SYNE2: variants seen among roughly 807,000 people sequenced by gnomAD.
SYNE2 encodes nesprin-2.
SYNE2 carries 431 observed loss-of-function variants against 856.3 expected under a neutral mutation model. That is an observed-to-expected ratio of 0.50 (90% CI 0.47 to 0.55). The LOEUF is 0.55. Ranked by LOEUF, SYNE2 falls within the 20% of genes least tolerant of loss-of-function variation. SYNE2 has a pLI of 0.00. For missense variants in SYNE2, 8,129 were observed against 8,023.2 expected, an observed-to-expected ratio of 1.01 and a Z score of -0.50; for synonymous variants, 2,923 against 2,872.3, an observed-to-expected ratio of 1.02 and a Z score of -0.56.
At chr14:63,786,161 ACT>A (rs1283616815) in intron 1 of SYNE2, among the ~76,000 whole-genome samples, 1 of 145,402 alleles carries the variant, frequency 6.9e-6, no homozygotes, top group Non-Finnish European at 1.5e-5. Context: ...GAGGCAGGAG[ACT>A]CTCTTGAACC....
intron 45 of SYNE2, among the ~76,000 whole-genome samples, chr14:64,038,290 C>T (rs1270123478): frequency 7.2e-5 from 11 of 152,270 alleles, no homozygotes; most frequent in South Asian, 4.1e-4. Context: ...GGATGGGGGC[C>T]GGGAAGAGGC....
chr14:64,193,693 A>G (rs1057489191), intron 99 of SYNE2, among the ~76,000 whole-genome samples: 1 of 152,234 alleles, frequency 6.6e-6, no homozygotes, highest in Non-Finnish European at 1.5e-5. Context: ...CACTGGAGGA[A>G]AAAATGGGAT....
intron 17 of SYNE2, 67 bp downstream of exon 17, chr14:63,982,861 G>T: frequency 6.6e-7 from 1 of 1,516,876 alleles, no homozygotes; most frequent in South Asian, 1.1e-5. Flanking sequence ...TTTACTCATT[G>T]TAAGTTCATA....
intron 65 of SYNE2, among the ~76,000 whole-genome samples, chr14:64,112,312 T>C (rs1212431800): frequency 1.3e-5 from 2 of 152,236 alleles, no homozygotes; most frequent in African/African-American, 2.4e-5. Flanking sequence ...CAAACTCTTA[T>C]AGAAAACATT....
At chr14:64,199,224 T>G (rs2098551649) in intron 99 of SYNE2, among the ~76,000 whole-genome samples, 1 of 152,164 alleles carries the variant, frequency 6.6e-6, no homozygotes, top group Admixed American at 6.5e-5. Flanking sequence ...TGCAGCAAAA[T>G]GATCCTGTAT....
chr14:63,800,260 G>T (rs1888083099), intron 1 of SYNE2, among the ~76,000 whole-genome samples: 1 of 151,600 alleles, frequency 6.6e-6, no homozygotes, highest in East Asian at 1.9e-4. Context: ...GTCTCCTTCT[G>T]TTGCCCAGGC....
chr14:64,140,514 TGG>T (rs1160257268), intron 80 of SYNE2, among the ~76,000 whole-genome samples: 1 of 152,170 alleles, frequency 6.6e-6, no homozygotes, highest in Admixed American at 6.5e-5. Context: ...CCGCGGTGGG[TGG>T]AGGTTGCAAT....
chr14:64,153,935 C>T (rs182610778), intron 85 of SYNE2, among the ~76,000 whole-genome samples: 1 of 152,210 alleles, frequency 6.6e-6, no homozygotes, highest in African/African-American at 2.4e-5. Flanking sequence ...AGGGAAAACA[C>T]TTTCTTGAAA....
chr14:63,880,185 G>T (rs1177656338), intron 1 of SYNE2, among the ~76,000 whole-genome samples: 1 of 152,068 alleles, frequency 6.6e-6, no homozygotes, highest in East Asian at 1.9e-4. Flanking sequence ...CCGCTTCCTA[G>T]GCTCAGGTGA....
At chr14:64,046,956 A>T (rs1012680556) in intron 45 of SYNE2, among the ~76,000 whole-genome samples, 11 of 152,186 alleles carry the variant, frequency 7.2e-5, no homozygotes, top group African/African-American at 2.7e-4. Context: ...CTGTCTGCAG[A>T]TGGTGGTATG....
At chr14:64,183,004 G>GCT in intron 96 of SYNE2, among the ~76,000 whole-genome samples, 1 of 115,556 alleles carries the variant, frequency 8.7e-6, no homozygotes, top group African/African-American at 4.6e-5. Context: ...CGGGGCGACT[G>GCT]GCCAGGCGGG....
chr14:64,100,531 A>AAAAAAAAATATATATATAT (rs1491537041), intron 63 of SYNE2, among the ~76,000 whole-genome samples: 1 of 39,472 alleles, frequency 2.5e-5, no homozygotes. Flanking sequence ...AAAAAAAAAA[A>AAAAAAAAATATATATATAT]ATATATATAT....
intron 3 of SYNE2, among the ~76,000 whole-genome samples, chr14:63,941,472 C>T (rs887359828): frequency 1.3e-5 from 2 of 152,190 alleles, no homozygotes; most frequent in African/African-American, 4.8e-5. Context: ...AAGCTCCACG[C>T]AGAAAGGGTG....
At chr14:63,909,569 C>T (rs996604040) in intron 2 of SYNE2, among the ~76,000 whole-genome samples, 5 of 152,078 alleles carry the variant, frequency 3.3e-5, no homozygotes, top group Non-Finnish European at 4.4e-5. Context: ...TTGCCAGGCA[C>T]GGTGGCTCAT....
Position 63,787,786 on chromosome 14 carries a change from A to G in SYNE2, c.-305+25800A>G, listed in dbSNP as rs1887593398. 2.0e-5 allele frequency among the ~76,000 whole-genome samples: 3 copies of G among 152,172 alleles called. No individual in the cohort carries two copies. The South Asian group carries it at 6.2e-4, about 31-fold the overall frequency. ...CCATGGGCTGGCTGGAAAAGGCACC[A>G]CAAGTGCCCACTTGGACCCACAGGG... On this transcript the variant is annotated intron_variant, in intron 1 of 23. Coordinates refer to the SYNE2 transcript ENST00000674003.
At position 64,215,277 on chromosome 14, in the gene SYNE2, C is replaced by A. The variant is rs1218238453; in HGVS notation, c.19334-9C>A. On this transcript the variant is annotated splice_polypyrimidine_tract_variant and intron_variant, in intron 106 of 115. Coordinates refer to ENST00000555002, the MANE Select transcript of SYNE2 (RefSeq NM_182914.3). ...CTCCAGTGAGGCAAATGACATTGTT[C>A]TTTTTCAGATGTAGAAATCCCTGAA... 6.2e-7 allele frequency: 1 copy of A among 1,613,906 alleles called. No individual in the cohort carries two copies. Among genetic ancestry groups the A allele is most frequent in the Non-Finnish European group, 8.5e-7 (1 of 1,179,888 alleles).
intron 6 of SYNE2, among the ~76,000 whole-genome samples, chr14:63,949,223 A>G (rs1317033813): frequency 6.6e-6 from 1 of 152,176 alleles, no homozygotes; most frequent in Non-Finnish European, 1.5e-5. Flanking sequence ...ATATAAGAAT[A>G]TCTAGTTTCT....
chr14:64,121,991 T>C (rs751052403), intron 68 of SYNE2, 21 bp from the exon 69 acceptor site: 5 of 1,612,744 alleles, frequency 3.1e-6, no homozygotes, highest in African/African-American at 1.3e-5. Context: ...ATTGGACCAT[T>C]TGAATCTCAT....
Position 64,024,949 on chromosome 14 carries a change from A to T in SYNE2, c.5878A>T (p.Thr1960Ser), listed in dbSNP as rs1344782471. 6.2e-7 allele frequency: 1 copy of T among 1,614,032 alleles called. No homozygotes were observed. The highest frequency in any genetic ancestry group is 1.7e-5 in the Admixed American group (1 of 60,016). ...CCATAGAAACCTGAGGAAGTGGTTG[A>T]CTAATCAAGAAGAGAAATGGAAAGG... ...DDHRNLRKWL[T>S]NQEEKWKGME... is the part of the protein sequence containing the mutation. The change falls in exon 40 of 116, where the codon ACT (threonine) becomes TCT (serine). Residue 1960 changes from threonine to serine, a missense_variant. Around this residue, in one of 3 missense-constraint regions of SYNE2, gnomAD observed 2,422 missense variants for 2,357.4 expected, o/e 1.03. Transcript: ENST00000555002.
Sources: allele counts gnomAD v4.1 joint callset (sites outside exome capture counted in the v4.1 genomes callset), GRCh38; gene constraint gnomAD v4.1.1; regional missense constraint gnomAD v4.1.1; transcripts MANE v1.5; gene names NCBI Gene and HGNC (gene_info 2026-07-23, HGNC 2026-07-21).